Variants in PCDH9 observed in about 807,000 individuals in gnomAD.
PCDH9 encodes protocadherin-9.
A neutral mutation model predicts 70.6 loss-of-function variants in PCDH9; 24 were observed. The observed-to-expected ratio is 0.34, with a 90% CI of 0.25 to 0.48. PCDH9 has a LOEUF of 0.48. Ranked by LOEUF, PCDH9 falls within the 20% of genes least tolerant of loss-of-function variation. The pLI, the probability that PCDH9 is intolerant of heterozygous loss-of-function variation, is 0.99. For missense variants in PCDH9, 1,281 were observed against 1,503.6 expected, an observed-to-expected ratio of 0.85 and a Z score of 2.45; for synonymous variants, 562 against 558.5, an observed-to-expected ratio of 1.01 and a Z score of -0.09.
intron 2 of PCDH9, among the ~76,000 whole-genome samples, chr13:67,093,235 A>G (rs2086253818): frequency 6.6e-6 from 1 of 152,110 alleles, no homozygotes; most frequent in African/African-American, 2.4e-5. Flanking sequence ...TCAGCGAATC[A>G]CCTGAGGTCA....
intron 4 of PCDH9, among the ~76,000 whole-genome samples, chr13:66,351,092 A>C (rs1956284826): frequency 6.6e-6 from 1 of 152,208 alleles, no homozygotes; most frequent in South Asian, 2.1e-4. Context: ...TCTTATTACA[A>C]ATAATCATTT....
intron 3 of PCDH9, among the ~76,000 whole-genome samples, chr13:66,667,942 T>G (rs1425265881): frequency 2.0e-5 from 3 of 152,198 alleles, no homozygotes; most frequent in African/African-American, 7.2e-5. Flanking sequence ...TTTAAGCTTG[T>G]TCTAAAGATT....
At chr13:66,460,010 A>C (rs940892566) in intron 4 of PCDH9, among the ~76,000 whole-genome samples, 1 of 151,930 alleles carries the variant, frequency 6.6e-6, no homozygotes, top group East Asian at 1.9e-4. Context: ...AGGGGCAAAA[A>C]CAAGAAACTA....
chr13:67,062,201 G>A (rs1309270136), intron 2 of PCDH9, among the ~76,000 whole-genome samples: 1 of 152,064 alleles, frequency 6.6e-6, no homozygotes, highest in Non-Finnish European at 1.5e-5. Context: ...CAAACAGATA[G>A]TGAAACATAG....
At chr13:66,828,269 T>C (rs1420036959) in intron 3 of PCDH9, among the ~76,000 whole-genome samples, 2 of 152,210 alleles carry the variant, frequency 1.3e-5, no homozygotes, top group Admixed American at 1.3e-4. Context: ...AGAAGTTCTA[T>C]GTGATAGGTA....
chr13:67,082,825 C>A (rs1388359478), intron 2 of PCDH9, among the ~76,000 whole-genome samples: 1 of 152,112 alleles, frequency 6.6e-6, no homozygotes, highest in Non-Finnish European at 1.5e-5. Context: ...AGAACTGTAA[C>A]CATATACGAA....
chr13:67,035,974 T>C (rs888724996), intron 2 of PCDH9, among the ~76,000 whole-genome samples: 55 of 152,274 alleles, frequency 3.6e-4, no homozygotes, highest in African/African-American at 1.3e-3. Flanking sequence ...TTCCAAACAA[T>C]AAAATGTTTC....
At chr13:67,078,907 G>A (rs766868971) in intron 2 of PCDH9, among the ~76,000 whole-genome samples, 8 of 151,902 alleles carry the variant, frequency 5.3e-5, no homozygotes, top group Non-Finnish European at 1.0e-4. Context: ...AGCAATTCTC[G>A]GTTACAGTCC....
chr13:66,492,409 C>G (rs1409178765), intron 4 of PCDH9, among the ~76,000 whole-genome samples: 1 of 148,952 alleles, frequency 6.7e-6, no homozygotes, highest in East Asian at 1.9e-4. Context: ...TACACACACA[C>G]ACATATATGT....
At chr13:67,205,595 T>C (rs1005447363) in intron 2 of PCDH9, 4 of 152,200 alleles carry the variant, frequency 2.6e-5, no homozygotes, top group African/African-American at 9.6e-5. Context: ...TTACGGAATG[T>C]GTGTTCTAAA....
At chr13:66,759,830 T>C (rs930382051) in intron 3 of PCDH9, among the ~76,000 whole-genome samples, 10 of 151,844 alleles carry the variant, frequency 6.6e-5, no homozygotes, top group Admixed American at 6.6e-4. Context: ...TATTAAAATT[T>C]TGAATATTTT....
At position 66,816,978 on chromosome 13, in the gene PCDH9, CAACT is replaced by C. The variant is rs375952169; in HGVS notation, c.3138+86522_3138+86525del. Among the ~76,000 whole-genome samples the C allele has an allele frequency of 5.5e-5, 8 of 145,390 alleles. 1 individual carries two copies. The highest frequency in any genetic ancestry group is 2.0e-4 in the African/African-American group (8 of 39,652). On this transcript the variant is annotated intron_variant, in intron 3 of 4. Transcript: ENST00000377865. ...TTCTGCATCCTTGAATTCAACCAAC[CAACT>C]GTAGATTGAAAATATTTAAAAAAAA...
intron 4 of PCDH9, among the ~76,000 whole-genome samples, chr13:66,402,832 G>T (rs562146512): frequency 6.6e-6 from 1 of 152,220 alleles, no homozygotes; most frequent in East Asian, 1.9e-4. Context: ...TAATGACAGA[G>T]ATAATAAGCA....
intron 2 of PCDH9, among the ~76,000 whole-genome samples, chr13:66,944,318 A>G (rs1298182832): frequency 6.6e-6 from 1 of 152,176 alleles, no homozygotes; most frequent in African/African-American, 2.4e-5. Context: ...TAGCATAAAG[A>G]GATAAAGTGT....
intron 2 of PCDH9, among the ~76,000 whole-genome samples, chr13:66,988,115 G>A (rs1392330405): frequency 6.6e-6 from 1 of 151,850 alleles, no homozygotes; most frequent in African/African-American, 2.4e-5. Context: ...TGTCCAGGCT[G>A]TTCCCAAACT....
chr13:67,132,608 A>G (rs561421013), intron 2 of PCDH9, among the ~76,000 whole-genome samples: 1 of 152,252 alleles, frequency 6.6e-6, no homozygotes, highest in African/African-American at 2.4e-5. Context: ...GACACAAAAA[A>G]TTCAAAATAA....
intron 4 of PCDH9, among the ~76,000 whole-genome samples, chr13:66,491,831 T>G (rs187203686): frequency 2.3e-3 from 347 of 152,298 alleles, no homozygotes; most frequent in African/African-American, 8.0e-3. Context: ...TTTAGACATA[T>G]GTTCTATTAG....
At chr13:66,392,405 T>G (rs1370866031) in intron 4 of PCDH9, among the ~76,000 whole-genome samples, 1 of 152,156 alleles carries the variant, frequency 6.6e-6, no homozygotes, top group Non-Finnish European at 1.5e-5. Flanking sequence ...AAATATTTAT[T>G]AAATTCATCC....
chr13:66,967,409 C>G (rs1201991710), intron 2 of PCDH9, among the ~76,000 whole-genome samples: 3 of 152,014 alleles, frequency 2.0e-5, no homozygotes, highest in Non-Finnish European at 4.4e-5. Flanking sequence ...CTCAATCACA[C>G]TTGTCACATT....
Sources: allele counts gnomAD v4.1 joint callset (sites outside exome capture counted in the v4.1 genomes callset), GRCh38; gene constraint gnomAD v4.1.1; transcripts MANE v1.5; gene names NCBI Gene and HGNC (gene_info 2026-07-23, HGNC 2026-07-21).